The following OSBPL3 variants were observed in gnomAD, a reference collection of about 807,000 sequenced individuals.
The protein encoded by OSBPL3 is oxysterol-binding protein-related protein 3.
Under a neutral mutation model 120.1 loss-of-function variants are expected in OSBPL3, and 65 were observed. The ratio of observed to expected loss-of-function variants is 0.54; its 90% CI spans 0.44 to 0.67. The LOEUF is 0.67. OSBPL3 is among the 30% of genes least tolerant of loss of function. OSBPL3 has a pLI of 0.00. For synonymous variants in OSBPL3, 416 were observed against 402.6 expected (o/e 1.03, Z -0.40); for missense variants, 1,004 against 1,082.1 (o/e 0.93, Z 1.01).
rs533151810 is a variant in OSBPL3 at position 24,833,941 on chromosome 7, T to A, written c.1746+545A>T. On this transcript the variant is annotated intron_variant, in intron 15 of 22. Transcript: ENST00000313367. The surrounding 1 kb of genome is among the most constrained non-coding windows in gnomAD (Gnocchi z 4.4). ...GAGAAGGCTTTTCTACGATTTTTTT[T>A]AAGTACTCTATAAAATAAGAGGGAG... The A allele has an allele frequency of 1.4e-4, 32 of 232,170 alleles. No homozygotes were observed. The highest frequency in any genetic ancestry group is 5.3e-4 in the African/African-American group (23 of 43,008). The allele number at this position is 232,170 out of a possible 1,614,324, so 14.4% of individuals were successfully genotyped here.
chr7:24,940,719 A>T lies in OSBPL3; in HGVS notation c.-150+39167T>A, dbSNP rs57325076. The stretch of plus-strand genomic sequence containing the variant: ...GTCCTCAATATAAGCACAGCAGAGG[A>T]TAACAACAGGCCAGGAACTCTAAGG... On this transcript the variant is annotated intron_variant, in intron 1 of 22. Transcript: ENST00000313367. This position sits in a 1 kb window ranked among gnomAD's most constrained non-coding sequence, Gnocchi z 4.4. 1.2e-3 allele frequency among the ~76,000 whole-genome samples: 179 copies of T among 152,250 alleles called. No individual in the cohort carries two copies. Among genetic ancestry groups the T allele is most frequent in the African/African-American group, 3.6e-3 (148 of 41,548 alleles).
chr7:24,979,806 A>C, intron 1 of OSBPL3, 80 bp downstream of exon 1: 1 of 673,526 alleles, frequency 1.5e-6, no homozygotes. Flanking sequence ...CGCCCCGCAA[A>C]CAGCAGCCCT....
chr7:24,918,044 TA>T lies in OSBPL3; in HGVS notation c.-149-25424del. 1.0e-6 allele frequency: 1 copy of T among 981,974 alleles called. No individual in the cohort carries two copies. Among genetic ancestry groups the T allele is most frequent in the Non-Finnish European group, 1.2e-6 (1 of 826,748 alleles). The allele number at this position is 981,974 out of a possible 1,614,324, so 60.8% of individuals were successfully genotyped here. A position where few individuals can be genotyped will look rare whatever the true frequency, so the allele number is the denominator to read the frequency against. On this transcript the variant is annotated intron_variant, in intron 1 of 22. Transcript: ENST00000313367. The surrounding 1 kb of genome is among the most constrained non-coding windows in gnomAD (Gnocchi z 4.3). ...GAGTCCATAAAATGACTAGCACTCT[TA>T]CCTATAAAGGTTGGCTTATCCTCGA... is the stretch of plus-strand genomic sequence containing the variant.
At chr7:24,886,658 T>C (rs926016088) in intron 2 of OSBPL3, among the ~76,000 whole-genome samples, 2 of 152,224 alleles carry the variant, frequency 1.3e-5, no homozygotes, top group East Asian at 3.8e-4. Flanking sequence ...AAAGGATGTA[T>C]AAACAGGACC....
chr7:24,853,627 T>G (rs1202398309), intron 10 of OSBPL3, among the ~76,000 whole-genome samples: 4 of 152,224 alleles, frequency 2.6e-5, no homozygotes, highest in African/African-American at 9.6e-5. Context: ...CAATGCTGTA[T>G]TTCCTGAATT....
rs1471491823 is a variant in OSBPL3 at position 24,854,507 on chromosome 7, C to CACAT, written c.1028-1874_1028-1873insATGT. Among the ~76,000 whole-genome samples, 1 of 56,730 alleles carries CACAT rather than the reference C, an allele frequency of 1.8e-5. No individual in the cohort carries two copies. The highest frequency in any genetic ancestry group is 6.0e-5 in the African/African-American group (1 of 16,696). The allele number at this position is 56,730 out of a possible 152,430, so 37.2% of individuals were successfully genotyped here. A position where few individuals can be genotyped will look rare whatever the true frequency, so the allele number is the denominator to read the frequency against. The stretch of plus-strand genomic sequence containing the variant: ...CAATTTGTACACACACACACGCACA[C>CACAT]ACACACACACACACACACACACACA... On this transcript the variant is annotated intron_variant, in intron 10 of 22. Transcript: ENST00000313367. The surrounding 1 kb of genome is among the most constrained non-coding windows in gnomAD (Gnocchi z 4.1).
chr7:24,966,657 A>T lies in OSBPL3; in HGVS notation c.-150+13229T>A, dbSNP rs1235083425. Among the ~76,000 whole-genome samples, 1 of 152,172 alleles carries T rather than the reference A, an allele frequency of 6.6e-6. No homozygotes were observed. Among genetic ancestry groups the T allele is most frequent in the Non-Finnish European group, 1.5e-5 (1 of 68,028 alleles). Reference sequence around the variant, plus strand: ...ATCATTCCTTAATGACACACACACAAAACAAAATTAAAGAAGACACTGGCC... The same window carrying T: ...ATCATTCCTTAATGACACACACACATAACAAAATTAAAGAAGACACTGGCC... On this transcript the variant is annotated intron_variant, in intron 1 of 22. Transcript: ENST00000313367. The surrounding 1 kb of genome is among the most constrained non-coding windows in gnomAD (Gnocchi z 4.8).
intron 1 of OSBPL3, among the ~76,000 whole-genome samples, chr7:24,942,988 G>A (rs1813274225): frequency 6.6e-6 from 1 of 152,188 alleles, no homozygotes; most frequent in South Asian, 2.1e-4. Context: ...TGCTTCTTCT[G>A]CAAAGGTAAG....
chr7:24,842,621 T>C (rs1424040872), intron 12 of OSBPL3, among the ~76,000 whole-genome samples: 1 of 152,140 alleles, frequency 6.6e-6, no homozygotes, highest in Admixed American at 6.5e-5. Context: ...ACAGGCACTA[T>C]CACTTCTCAC....
At chr7:24,929,641 T>C (rs1009507919) in intron 1 of OSBPL3, among the ~76,000 whole-genome samples, 4 of 151,770 alleles carry the variant, frequency 2.6e-5, no homozygotes, top group African/African-American at 9.7e-5. Flanking sequence ...AAGAAAGGAG[T>C]TCCATTCAAT....
intron 1 of OSBPL3, among the ~76,000 whole-genome samples, chr7:24,969,185 C>G (rs983833845): frequency 6.6e-6 from 1 of 152,160 alleles, no homozygotes. Context: ...TCTGCCAACC[C>G]GATAGGTGAA....
In OSBPL3 at chr7:24,815,461, G is replaced by A. The variant is rs540838228; in HGVS notation, c.2028-258C>T. Among the ~76,000 whole-genome samples, 18 of 152,310 alleles carry A rather than the reference G, an allele frequency of 1.2e-4. No homozygotes were observed. The highest frequency in any genetic ancestry group is 3.9e-4 in the Admixed American group (6 of 15,304). On this transcript the variant is annotated intron_variant, in intron 18 of 22. Coordinates refer to ENST00000313367, the MANE Select transcript of OSBPL3 (RefSeq NM_015550.4). The surrounding 1 kb of genome is among the most constrained non-coding windows in gnomAD (Gnocchi z 5.1). ...CTACCAGAGGCTTCACTAGAAGCTG[G>A]TGGTCTCTTGGAACAGCCCACTCCC...
chr7:24,915,437 A>T (rs1460053584), intron 1 of OSBPL3, among the ~76,000 whole-genome samples: 1 of 152,212 alleles, frequency 6.6e-6, no homozygotes, highest in East Asian at 1.9e-4. Context: ...GTTTGGCAAC[A>T]GAAAAGTTGT....
At position 24,912,391 on chromosome 7, in the gene OSBPL3, CTTG is replaced by C. The variant is rs1808949344; in HGVS notation, c.-149-19773_-149-19771del. 6.6e-6 allele frequency among the ~76,000 whole-genome samples: 1 copy of C among 152,184 alleles called. No individual in the cohort carries two copies. The highest frequency in any genetic ancestry group is 6.5e-5 in the Admixed American group (1 of 15,280). ...AAAAATCAAATTCAGCAACCAGGGCCTTGATCTTCCTTGCATATTCCCCTATGT... is the reference window on the plus strand; with the variant it reads ...AAAAATCAAATTCAGCAACCAGGGCCATCTTCCTTGCATATTCCCCTATGT... On this transcript the variant is annotated intron_variant, in intron 1 of 22. Coordinates refer to ENST00000313367, the MANE Select transcript of OSBPL3 (RefSeq NM_015550.4). The surrounding 1 kb of genome is among the most constrained non-coding windows in gnomAD (Gnocchi z 4.5).
chr7:24,851,720 G>A lies in OSBPL3; in HGVS notation c.1158+784C>T, dbSNP rs1362396043. ...TATTTCAAAAGTTCTCTAGCCTCCT[G>A]ATAGATTCAGGGTAAAAAAAAAAAA... is the stretch of plus-strand genomic sequence containing the variant. On this transcript the variant is annotated intron_variant, in intron 11 of 22. Coordinates refer to ENST00000313367, the MANE Select transcript of OSBPL3 (RefSeq NM_015550.4). The surrounding 1 kb of genome is among the most constrained non-coding windows in gnomAD (Gnocchi z 4.1). Among the ~76,000 whole-genome samples, 1 of 145,916 alleles carries A rather than the reference G, an allele frequency of 6.9e-6. No homozygotes were observed. The highest frequency in any genetic ancestry group is 2.0e-4 in the East Asian group (1 of 4,916).
chr7:24,934,028 A>C (rs907522171), intron 1 of OSBPL3, among the ~76,000 whole-genome samples: 3 of 152,230 alleles, frequency 2.0e-5, no homozygotes, highest in African/African-American at 7.2e-5. Flanking sequence ...TCTGATAGGA[A>C]GTTAATTTTC....
At chr7:24,934,381 A>T (rs11974649) in intron 1 of OSBPL3, among the ~76,000 whole-genome samples, 3,268 of 152,286 alleles carry the variant, frequency 0.021, 53 homozygotes, top group Middle Eastern at 0.054. Flanking sequence ...CATAAGTGAA[A>T]TGAACAGTGT....
At chr7:24,860,271 A>G (rs1040233550) in intron 10 of OSBPL3, among the ~76,000 whole-genome samples, 6 of 152,124 alleles carry the variant, frequency 3.9e-5, no homozygotes, top group Non-Finnish European at 8.8e-5. Flanking sequence ...CTCCATAATT[A>G]TATCATTTCA....
intron 2 of OSBPL3, among the ~76,000 whole-genome samples, chr7:24,886,073 A>G (rs774099239): frequency 6.6e-6 from 1 of 152,216 alleles, no homozygotes; most frequent in African/African-American, 2.4e-5. Context: ...TGTGAATGGT[A>G]ATCTTTCTAC....
Sources: gnomAD v4.1 joint callset for allele counts (sites outside exome capture counted in the v4.1 genomes callset) on GRCh38, gnomAD v4.1.1 for gene constraint, Gnocchi (gnomAD v3.1) non-coding constraint, MANE v1.5 for transcripts, NCBI Gene and HGNC (gene_info 2026-07-23, HGNC 2026-07-21) for gene names.